Variants in MAGI2 observed in about 807,000 individuals in gnomAD.
The protein encoded by MAGI2 is membrane associated guanylate kinase, WW and PDZ domain containing 2, also known as membrane-associated guanylate kinase, WW and PDZ domain-containing protein 2.
In MAGI2, 35 loss-of-function variants were observed where a neutral mutation model predicts 133.3. That is an observed-to-expected ratio of 0.26 (90% CI 0.20 to 0.35). The LOEUF is 0.35. Ranked by LOEUF, MAGI2 falls within the 10% of genes least tolerant of loss-of-function variation. The pLI is 1.00. For synonymous variants in MAGI2, 729 were observed against 710.6 expected (o/e 1.03, Z -0.41); for missense variants, 1,636 against 1,863.4 (o/e 0.88, Z 2.25).
chr7:78,772,156 T>G (rs1403510886), intron 2 of MAGI2, among the ~76,000 whole-genome samples: 1 of 152,176 alleles, frequency 6.6e-6, no homozygotes, highest in African/African-American at 2.4e-5. Flanking sequence ...TGCTGCAAAG[T>G]TTTTAATATC....
chr7:78,577,406 A>G (rs919474149), intron 3 of MAGI2, among the ~76,000 whole-genome samples: 1 of 152,186 alleles, frequency 6.6e-6, no homozygotes, highest in East Asian at 1.9e-4. Context: ...GAAATAAGCA[A>G]TATCATAAAG....
At chr7:78,740,819 C>G (rs187371038) in intron 2 of MAGI2, among the ~76,000 whole-genome samples, 27 of 152,098 alleles carry the variant, frequency 1.8e-4, no homozygotes, top group African/African-American at 6.5e-4. Flanking sequence ...AAAGAAAGCA[C>G]CCCCATGCTA....
At chr7:79,122,763 G>A (rs981868539) in intron 1 of MAGI2, among the ~76,000 whole-genome samples, 1 of 151,424 alleles carries the variant, frequency 6.6e-6, no homozygotes, top group Non-Finnish European at 1.5e-5. Flanking sequence ...TTCCACCTCA[G>A]CCACTGCAAC....
chr7:79,318,506 T>C (rs1417435420), intron 1 of MAGI2, among the ~76,000 whole-genome samples: 1 of 152,202 alleles, frequency 6.6e-6, no homozygotes. Flanking sequence ...ATTCTATATT[T>C]TCTGTAAGTT....
At chr7:78,579,475 C>A (rs1411366156) in intron 3 of MAGI2, among the ~76,000 whole-genome samples, 1 of 152,098 alleles carries the variant, frequency 6.6e-6, no homozygotes, top group Admixed American at 6.5e-5. Context: ...AAAAGGTATC[C>A]CACCTCCCCT....
At chr7:78,960,789 C>T (rs773853428) in intron 2 of MAGI2, among the ~76,000 whole-genome samples, 2 of 152,074 alleles carry the variant, frequency 1.3e-5, no homozygotes, top group African/African-American at 2.4e-5. Context: ...TAACTCCAAA[C>T]CATGGTCTTT....
intron 1 of MAGI2, among the ~76,000 whole-genome samples, chr7:79,263,140 A>C (rs941007306): frequency 6.6e-6 from 1 of 152,186 alleles, no homozygotes; most frequent in Non-Finnish European, 1.5e-5. Flanking sequence ...TAATAACCAC[A>C]ACAAAACAAC....
chr7:78,355,814 C>T (rs1180856435), intron 7 of MAGI2, among the ~76,000 whole-genome samples: 1 of 152,104 alleles, frequency 6.6e-6, no homozygotes, highest in Non-Finnish European at 1.5e-5. Flanking sequence ...TGTGAACTAC[C>T]TGCTTACTTT....
chr7:78,127,291 G>C lies in MAGI2; in HGVS notation c.3329C>G (p.Pro1110Arg), dbSNP rs1821087231. 6.2e-7 allele frequency: 1 copy of C among 1,607,774 alleles called. No homozygotes were observed. Among genetic ancestry groups the C allele is most frequent in the East Asian group, 2.2e-5 (1 of 44,792 alleles). The change falls in exon 19 of 22, where the codon CCA (proline) becomes CGA (arginine). Residue 1110 changes from proline to arginine, a missense_variant. Physicochemically the swap from Pro to Arg is moderately radical, Grantham distance 103. Transcript: ENST00000354212. ...GGGAGGCTGCCTGTAGTCCAAGGGT[G>C]GGGGCTGCTGGTAGTCCCCTCCTGG... is the stretch of plus-strand genomic sequence containing the variant. ...QPPGGDYQQP[P>R]PLDYRQPPLL...
At chr7:79,433,069 C>G (rs538786164) in intron 1 of MAGI2, among the ~76,000 whole-genome samples, 1 of 152,210 alleles carries the variant, frequency 6.6e-6, no homozygotes, top group African/African-American at 2.4e-5. Flanking sequence ...GATGAGAGAA[C>G]CTTTAAATTG....
At chr7:78,037,762 T>G (rs973610041) in intron 21 of MAGI2, among the ~76,000 whole-genome samples, 2 of 152,200 alleles carry the variant, frequency 1.3e-5, no homozygotes, top group African/African-American at 2.4e-5. Context: ...AGAGTGTCAG[T>G]GCAGCACCCC....
At chr7:78,690,026 C>T (rs182554662) in intron 2 of MAGI2, among the ~76,000 whole-genome samples, 1 of 152,084 alleles carries the variant, frequency 6.6e-6, no homozygotes, top group South Asian at 2.1e-4. Flanking sequence ...GGTATGAAAT[C>T]ATGTTTTGCA....
At chr7:78,707,150 T>A (rs1389889933) in intron 2 of MAGI2, among the ~76,000 whole-genome samples, 1 of 152,100 alleles carries the variant, frequency 6.6e-6, no homozygotes, top group Non-Finnish European at 1.5e-5. Context: ...AACCTAAATG[T>A]TTTGAGGACT....
At chr7:79,429,257 AC>A in intron 1 of MAGI2, among the ~76,000 whole-genome samples, 1 of 151,880 alleles carries the variant, frequency 6.6e-6, no homozygotes. Flanking sequence ...TAAACTATAA[AC>A]CTTATTGACA....
intron 1 of MAGI2, among the ~76,000 whole-genome samples, chr7:79,046,502 C>A (rs563982154): frequency 6.6e-6 from 1 of 152,138 alleles, no homozygotes; most frequent in Non-Finnish European, 1.5e-5. Context: ...ACAGCCCTAG[C>A]GAAGTAATAC....
intron 1 of MAGI2, among the ~76,000 whole-genome samples, chr7:79,098,614 C>A (rs891671222): frequency 1.3e-5 from 2 of 152,174 alleles, no homozygotes; most frequent in African/African-American, 4.8e-5. Context: ...CTTAGGACTG[C>A]AATACTAATC....
At position 78,216,825 on chromosome 7, in the gene MAGI2, A is replaced by G. The variant is rs192234236; in HGVS notation, c.2048-15632T>C. ...TATTTCCCCTCTTTGGGTCTAAATA[A>G]TAGAAGTTTGCTATATTACACTTCT... On this transcript the variant is annotated intron_variant, in intron 10 of 21. Transcript: ENST00000354212. Among the ~76,000 whole-genome samples the G allele has an allele frequency of 3.8e-3, 577 of 152,334 alleles. 2 individuals carry two copies. The highest frequency in any genetic ancestry group is 6.3e-3 in the Non-Finnish European group (430 of 68,030).
At chr7:78,853,728 G>T (rs752477942) in intron 2 of MAGI2, among the ~76,000 whole-genome samples, 3 of 151,862 alleles carry the variant, frequency 2.0e-5, no homozygotes, top group East Asian at 3.9e-4. Flanking sequence ...GACTTTAAAT[G>T]AAAGTAAAAA....
intron 6 of MAGI2, among the ~76,000 whole-genome samples, chr7:78,433,832 A>G (rs1403867990): frequency 6.6e-6 from 1 of 152,146 alleles, no homozygotes; most frequent in Admixed American, 6.6e-5. Context: ...CTATGCACAT[A>G]TAGTCCAACA....
Sources: allele counts gnomAD v4.1 joint callset (sites outside exome capture counted in the v4.1 genomes callset), GRCh38; gene constraint gnomAD v4.1.1; transcripts MANE v1.5; gene names NCBI Gene and HGNC (gene_info 2026-07-23, HGNC 2026-07-21).